The following GRM5 variants were observed in gnomAD, a reference collection of about 807,000 sequenced individuals.
GRM5 encodes metabotropic glutamate receptor 5.
GRM5 carries 19 observed loss-of-function variants against 83.1 expected under a neutral mutation model. The observed-to-expected ratio is 0.23, with a 90% CI of 0.16 to 0.34. GRM5 has a LOEUF of 0.34. Ranked by LOEUF, GRM5 falls within the 10% of genes least tolerant of loss-of-function variation. GRM5 has a pLI of 1.00. For missense variants in GRM5, 1,160 were observed against 1,588.3 expected (o/e 0.73, Z 4.58); for synonymous variants, 675 against 633.6 (o/e 1.07, Z -0.98).
intron 2 of GRM5, among the ~76,000 whole-genome samples, chr11:89,029,349 A>C (rs2135122315): frequency 6.6e-6 from 1 of 152,346 alleles, no homozygotes; most frequent in East Asian, 1.9e-4. Flanking sequence ...TATAATAGGA[A>C]ATAAGCTGTG....
At chr11:88,729,929 A>G (rs1941769552) in intron 3 of GRM5, among the ~76,000 whole-genome samples, 1 of 152,222 alleles carries the variant, frequency 6.6e-6, no homozygotes, top group Non-Finnish European at 1.5e-5. Context: ...TAAAAGCCCT[A>G]CAACATAACC....
At chr11:88,716,046 CAAA>C in intron 3 of GRM5, among the ~76,000 whole-genome samples, 1 of 151,878 alleles carries the variant, frequency 6.6e-6, no homozygotes, top group South Asian at 2.1e-4. Context: ...AACTTTCTCA[CAAA>C]AATAGGGAGA....
At chr11:88,743,355 G>A (rs906827110) in intron 3 of GRM5, among the ~76,000 whole-genome samples, 6 of 152,140 alleles carry the variant, frequency 3.9e-5, no homozygotes, top group Admixed American at 6.6e-5. Context: ...CAAGATTCTA[G>A]GGGGAAGGGG....
chr11:89,054,810 G>A (rs1198741410), intron 1 of GRM5, among the ~76,000 whole-genome samples: 1 of 152,130 alleles, frequency 6.6e-6, no homozygotes, highest in East Asian at 1.9e-4. Context: ...AATATTATGG[G>A]TGGGCATGTA....
intron 4 of GRM5, among the ~76,000 whole-genome samples, chr11:88,640,976 TG>T (rs1193078180): frequency 6.6e-6 from 1 of 150,814 alleles, no homozygotes; most frequent in Non-Finnish European, 1.5e-5. Flanking sequence ...GCTTCTGTGT[TG>T]GGGGTTCTTG....
chr11:88,600,096 G>A (rs890590400), intron 5 of GRM5, among the ~76,000 whole-genome samples: 1 of 152,178 alleles, frequency 6.6e-6, no homozygotes, highest in Non-Finnish European at 1.5e-5. Flanking sequence ...CACATATTCA[G>A]TGTCAGAAGC....
chr11:88,776,912 G>T (rs560771520), intron 3 of GRM5, among the ~76,000 whole-genome samples: 1 of 152,122 alleles, frequency 6.6e-6, no homozygotes, highest in Non-Finnish European at 1.5e-5. Context: ...TGACAATTAT[G>T]TGTCTTGGGG....
intron 8 of GRM5, among the ~76,000 whole-genome samples, chr11:88,537,289 T>C (rs528354578): frequency 1.3e-5 from 2 of 152,258 alleles, no homozygotes; most frequent in South Asian, 4.2e-4. Context: ...GGGCCCCTTG[T>C]TAACATGCAA....
At chr11:88,789,685 G>A (rs149170920) in intron 3 of GRM5, among the ~76,000 whole-genome samples, 93 of 152,166 alleles carry the variant, frequency 6.1e-4, no homozygotes, top group African/African-American at 2.1e-3. Context: ...ACACACCAGT[G>A]GCATTCCAAA....
rs373742342 is a variant in GRM5, at chr11:88,623,192, T to C, written c.1148-18228A>G. 2.0e-5 allele frequency among the ~76,000 whole-genome samples: 3 copies of C among 152,168 alleles called. No homozygotes were observed. In the East Asian group the frequency reaches 5.8e-4, roughly 29 times the overall value. ...CCTCTGCCTCCCAGGTTCAAGCGAT[T>C]CTCCTGCCTCAGCCTTCCGAGTAGC... On this transcript the variant is annotated intron_variant, in intron 4 of 9. Coordinates refer to ENST00000305447, the MANE Select transcript of GRM5 (RefSeq NM_001143831.3).
rs200556472 is a variant in GRM5 at position 88,932,044 on chromosome 11, T to TA, written c.662-81890dup. 8.1e-3 allele frequency among the ~76,000 whole-genome samples: 1,236 copies of TA among 152,132 alleles called. 13 individuals carry two copies. Among genetic ancestry groups the TA allele is most frequent in the African/African-American group, 0.028 (1,180 of 41,522 alleles). The stretch of plus-strand genomic sequence containing the variant: ...CCGTCTCATCAAAGACTAAAACACA[T>TA]AAAACCAGAGTCAGCAAGGATGTAG... On this transcript the variant is annotated intron_variant, in intron 2 of 9. Transcript: ENST00000305447.
chr11:88,854,383 G>T (rs1944436674), intron 2 of GRM5, among the ~76,000 whole-genome samples: 1 of 151,746 alleles, frequency 6.6e-6, no homozygotes, highest in Non-Finnish European at 1.5e-5. Flanking sequence ...GAACAGAGTT[G>T]CACAATAATC....
chr11:88,606,726 C>T (rs1458582037), intron 4 of GRM5, among the ~76,000 whole-genome samples: 1 of 151,914 alleles, frequency 6.6e-6, no homozygotes, highest in African/African-American at 2.4e-5. Flanking sequence ...GCAGTGATCC[C>T]AATGACAGAA....
At chr11:88,804,219 A>G (rs1943456552) in intron 3 of GRM5, among the ~76,000 whole-genome samples, 1 of 148,604 alleles carries the variant, frequency 6.7e-6, no homozygotes, top group Non-Finnish European at 1.5e-5. Context: ...TCATGCTGCT[A>G]TAAAGACACA....
At chr11:88,959,379 C>T (rs1938716579) in intron 2 of GRM5, among the ~76,000 whole-genome samples, 1 of 151,750 alleles carries the variant, frequency 6.6e-6, no homozygotes, top group Admixed American at 6.6e-5. Flanking sequence ...CAAATTTTAA[C>T]TAATAATCCA....
intron 2 of GRM5, among the ~76,000 whole-genome samples, chr11:88,959,126 G>GAATCC (rs565378259): frequency 2.2e-3 from 331 of 152,212 alleles, no homozygotes; most frequent in African/African-American, 6.7e-3. Context: ...CACAGGACCT[G>GAATCC]TGAAAGGATT....
intron 7 of GRM5, among the ~76,000 whole-genome samples, chr11:88,576,491 C>A (rs543530115): frequency 6.6e-6 from 1 of 152,268 alleles, no homozygotes; most frequent in East Asian, 1.9e-4. Context: ...GAATGATTAA[C>A]AAAGAAGAGG....
intron 3 of GRM5, among the ~76,000 whole-genome samples, chr11:88,779,644 CA>C (rs1178028776): frequency 6.6e-6 from 1 of 152,178 alleles, no homozygotes; most frequent in African/African-American, 2.4e-5. Flanking sequence ...CCCACCCACG[CA>C]CAGAGCTATA....
At chr11:88,719,170 T>A (rs559943144) in intron 3 of GRM5, among the ~76,000 whole-genome samples, 6 of 152,038 alleles carry the variant, frequency 3.9e-5, no homozygotes, top group African/African-American at 1.4e-4. Flanking sequence ...CACCCAGATA[T>A]TAAGCCTGAT....
Sources: gnomAD v4.1 joint callset for allele counts (sites outside exome capture counted in the v4.1 genomes callset) on GRCh38, gnomAD v4.1.1 for gene constraint, MANE v1.5 for transcripts, NCBI Gene and HGNC (gene_info 2026-07-23, HGNC 2026-07-21) for gene names.